The following SCARA3 variants were observed in gnomAD, a reference collection of about 807,000 sequenced individuals.
SCARA3 encodes scavenger receptor class A member 3.
SCARA3 carries 39 observed loss-of-function variants against 47.0 expected under a neutral mutation model. The observed-to-expected ratio is 0.83, with a 90% CI of 0.64 to 1.08. SCARA3 has a LOEUF of 1.08. Ranked by LOEUF, SCARA3 falls within the 50% of genes least tolerant of loss-of-function variation. The pLI, the probability that SCARA3 is intolerant of heterozygous loss-of-function variation, is 0.00. For missense variants in SCARA3, 724 were observed against 792.3 expected (o/e 0.91, Z 1.04); for synonymous variants, 356 against 334.1 (o/e 1.07, Z -0.71).
At chr8:27,682,226 G>GA in the SCARA3 span, among the ~76,000 whole-genome samples, 3 of 151,942 alleles carry the variant, frequency 2.0e-5, no homozygotes, top group East Asian at 1.9e-4. Flanking sequence ...ATCCATATGG[G>GA]AAAAAAATAT....
intron 1 of SCARA3, among the ~76,000 whole-genome samples, chr8:27,648,419 A>C (rs1025362837): frequency 6.6e-6 from 1 of 152,202 alleles, no homozygotes; most frequent in Non-Finnish European, 1.5e-5. Flanking sequence ...CCTGGCTAAC[A>C]TGGTGAAACC....
chr8:27,664,789 A>G (rs959429621), intron 5 of SCARA3, among the ~76,000 whole-genome samples: 3 of 149,998 alleles, frequency 2.0e-5, no homozygotes, highest in Non-Finnish European at 4.4e-5. Context: ...GTGGAGTTCC[A>G]TGACTAGGAG....
chr8:27,709,421 T>G, the SCARA3 span, among the ~76,000 whole-genome samples: 1 of 152,172 alleles, frequency 6.6e-6, no homozygotes, highest in Admixed American at 6.5e-5. Context: ...CTCCACACAC[T>G]CACCTGGGTT....
At chr8:27,704,313 G>A in the SCARA3 span, among the ~76,000 whole-genome samples, 3 of 151,960 alleles carry the variant, frequency 2.0e-5, no homozygotes, top group African/African-American at 7.3e-5. Flanking sequence ...AGGCTTAGTG[G>A]CACGCATCTG....
intron 5 of SCARA3, 93 bp downstream of exon 5, chr8:27,659,632 A>G (rs751722362): frequency 2.3e-5 from 25 of 1,078,340 alleles, no homozygotes; most frequent in Non-Finnish European, 3.0e-5. Context: ...TAGGCAAAGT[A>G]CTAGTGGGCT....
At chr8:27,703,323 C>G in the SCARA3 span, 1 of 152,476 alleles carries the variant, frequency 6.6e-6, no homozygotes, top group Non-Finnish European at 1.5e-5. Context: ...CTGGGGGCAG[C>G]ACTTGGGGTT....
chr8:27,707,827 A>AAG, the SCARA3 span, among the ~76,000 whole-genome samples: 1 of 151,668 alleles, frequency 6.6e-6, no homozygotes, highest in African/African-American at 2.4e-5. Context: ...CTTCCAAAAA[A>AAG]AAAAAAATAA....
rs1236143949 is a variant in SCARA3, at chr8:27,672,453, G to A, written c.*1102G>A. Reference sequence around the variant, plus strand: ...CCCCATTCCCCAAGGGGGCTCCTCTGGAGTGGTGGGGAGGATTAGGCTGCA... The same window carrying A: ...CCCCATTCCCCAAGGGGGCTCCTCTAGAGTGGTGGGGAGGATTAGGCTGCA... On this transcript the variant is annotated 3_prime_UTR_variant, in exon 6 of 6. Transcript: ENST00000301904. The A allele has an allele frequency of 3.0e-6, 3 of 985,522 alleles. No homozygotes were observed. The highest frequency in any genetic ancestry group is 3.6e-6 in the Non-Finnish European group (3 of 830,106). The allele number at this position is 985,522 out of a possible 1,614,324, so 61.0% of individuals were successfully genotyped here. A position where few individuals can be genotyped will look rare whatever the true frequency, so the allele number is the denominator to read the frequency against.
chr8:27,650,651 T>C (rs1585280620), intron 2 of SCARA3, among the ~76,000 whole-genome samples: 1 of 152,304 alleles, frequency 6.6e-6, no homozygotes, highest in East Asian at 1.9e-4. Context: ...TGAGTTCACC[T>C]TAGGAATTCG....
chr8:27,642,965 T>A (rs1801414951), intron 1 of SCARA3, among the ~76,000 whole-genome samples: 1 of 149,816 alleles, frequency 6.7e-6, no homozygotes, highest in South Asian at 2.1e-4. Context: ...ATGGGGGGAG[T>A]CTGTTGCATT....
chr8:27,666,819 C>T (rs370910297), intron 5 of SCARA3, among the ~76,000 whole-genome samples: 148 of 152,144 alleles, frequency 9.7e-4, no homozygotes, highest in African/African-American at 3.2e-3. Context: ...GCTCACCCCA[C>T]CCCCTCCTCC....
In SCARA3 at chr8:27,671,237, G is replaced by T. The variant is rs1379233898; in HGVS notation, c.1707G>T (p.Lys569Asn). 4 of 1,501,994 alleles carry T rather than the reference G, an allele frequency of 2.7e-6. No homozygotes were observed. Among genetic ancestry groups the T allele is most frequent in the Non-Finnish European group, 3.5e-6 (4 of 1,130,260 alleles). The allele number at this position is 1,501,994 out of a possible 1,614,324, so 93.0% of individuals were successfully genotyped here. ...AGGGAAAACCGGGAATTGCAGGGAA[G>T]ACAGGGTCACCAGGCCAGCGGGGGG... ...GPQGKPGIAG[K>N]TGSPGQRGAM... is the part of the protein sequence containing the mutation. The change falls in exon 6 of 6, where the codon AAG (lysine) becomes AAT (asparagine). Residue 569 changes from lysine (K) to asparagine (N), a missense_variant. Coordinates refer to ENST00000301904, the MANE Select transcript of SCARA3 (RefSeq NM_016240.3).
At chr8:27,673,336 C>A (rs1802211104), downstream of SCARA3, among the ~76,000 whole-genome samples, 1 of 152,264 alleles carries the variant, frequency 6.6e-6, no homozygotes, top group South Asian at 2.1e-4. Context: ...ATACCTCCTG[C>A]TTCTGGCTTT....
At chr8:27,726,392 C>T in the SCARA3 span, among the ~76,000 whole-genome samples, 17 of 151,658 alleles carry the variant, frequency 1.1e-4, no homozygotes, top group Non-Finnish European at 1.9e-4. Context: ...GGCAACAGAG[C>T]AAGACATTGT....
intron 1 of SCARA3, among the ~76,000 whole-genome samples, chr8:27,642,020 G>A (rs1181900633): frequency 5.9e-5 from 9 of 152,206 alleles, no homozygotes; most frequent in African/African-American, 1.7e-4. Context: ...TCTGAGAAAC[G>A]TGGAGTTAAA....
chr8:27,647,464 C>T (rs1408320723), intron 1 of SCARA3, among the ~76,000 whole-genome samples: 1 of 152,224 alleles, frequency 6.6e-6, no homozygotes, highest in Non-Finnish European at 1.5e-5. Flanking sequence ...AGGCATAGAA[C>T]TGCTGGGAAG....
intron 5 of SCARA3, among the ~76,000 whole-genome samples, chr8:27,660,649 T>TAGATAGATAGATAGAC (rs1393943116): frequency 6.7e-6 from 1 of 149,234 alleles, no homozygotes; most frequent in African/African-American, 2.5e-5. Flanking sequence ...GATAGATAGA[T>TAGATAGATAGATAGAC]AGATAGATCT....
At chr8:27,717,515 T>A in the SCARA3 span, among the ~76,000 whole-genome samples, 3 of 152,210 alleles carry the variant, frequency 2.0e-5, no homozygotes, top group Non-Finnish European at 4.4e-5. Flanking sequence ...CCAGGCTCAG[T>A]GGCCCCCACC....
At chr8:27,677,067 A>T (rs1738640099), downstream of SCARA3, among the ~76,000 whole-genome samples, 1 of 152,186 alleles carries the variant, frequency 6.6e-6, no homozygotes, top group African/African-American at 2.4e-5. Context: ...CTTCTTCGAG[A>T]TGTAGACACA....
Sources: gnomAD v4.1 joint callset for allele counts (sites outside exome capture counted in the v4.1 genomes callset) on GRCh38, gnomAD v4.1.1 for gene constraint, MANE v1.5 for transcripts, NCBI Gene and HGNC (gene_info 2026-07-23, HGNC 2026-07-21) for gene names.